The following GABRG3 variants were observed in gnomAD, a reference collection of about 807,000 sequenced individuals.
GABRG3 encodes gamma-aminobutyric acid receptor subunit gamma-3.
GABRG3 carries 25 observed loss-of-function variants against 48.8 expected under a neutral mutation model. The ratio of observed to expected loss-of-function variants is 0.51; its 90% CI spans 0.37 to 0.72. GABRG3 has a LOEUF of 0.72. Among genes scored for constraint, GABRG3 ranks in the 30% least tolerant of loss-of-function variants. The pLI is 0.00. For missense variants in GABRG3, 394 were observed against 577.9 expected, an observed-to-expected ratio of 0.68 and a Z score of 3.26; for synonymous variants, 227 against 217.6, an observed-to-expected ratio of 1.04 and a Z score of -0.38.
chr15:27,355,708 TG>T (rs374502973), intron 5 of GABRG3, among the ~76,000 whole-genome samples: 1 of 152,266 alleles, frequency 6.6e-6, no homozygotes, highest in South Asian at 2.1e-4. Context: ...ATACAAAAAG[TG>T]GGGGGAAACC....
chr15:27,035,083 A>G (rs1318189255), intron 3 of GABRG3, among the ~76,000 whole-genome samples: 2 of 152,206 alleles, frequency 1.3e-5, no homozygotes, highest in Non-Finnish European at 2.9e-5. Flanking sequence ...CATCTGGAAG[A>G]TGAAAGGACC....
intron 3 of GABRG3, among the ~76,000 whole-genome samples, chr15:27,073,362 A>C (rs1176703601): frequency 2.0e-5 from 3 of 152,192 alleles, no homozygotes; most frequent in Non-Finnish European, 4.4e-5. Flanking sequence ...TGTCAGCAGC[A>C]TGCCTCAGGG....
chr15:27,420,939 T>C (rs1888094787), intron 5 of GABRG3, among the ~76,000 whole-genome samples: 1 of 152,216 alleles, frequency 6.6e-6, no homozygotes, highest in African/African-American at 2.4e-5. Context: ...CTTACACTCT[T>C]CACTCATTCA....
intron 5 of GABRG3, among the ~76,000 whole-genome samples, chr15:27,424,842 C>A (rs1888242602): frequency 6.6e-6 from 1 of 152,144 alleles, no homozygotes; most frequent in South Asian, 2.1e-4. Context: ...GCGTGAACCA[C>A]CGAACCTGGC....
intron 3 of GABRG3, among the ~76,000 whole-genome samples, chr15:27,156,928 C>T (rs1032813939): frequency 2.0e-5 from 3 of 152,184 alleles, no homozygotes; most frequent in Non-Finnish European, 4.4e-5. Context: ...CCTGACAAGT[C>T]ATTTCTTCCC....
chr15:27,044,862 A>C (rs1249160269), intron 3 of GABRG3, among the ~76,000 whole-genome samples: 1 of 152,226 alleles, frequency 6.6e-6, no homozygotes, highest in Non-Finnish European at 1.5e-5. Context: ...TGATTGGCTG[A>C]GACTCAATTA....
chr15:27,301,216 A>G (rs1274037026), intron 3 of GABRG3, among the ~76,000 whole-genome samples: 1 of 152,158 alleles, frequency 6.6e-6, no homozygotes, highest in Non-Finnish European at 1.5e-5. Flanking sequence ...AAATTGAGGT[A>G]ATTATAGTTG....
At chr15:27,047,512 G>A (rs1302477954) in intron 3 of GABRG3, among the ~76,000 whole-genome samples, 1 of 152,222 alleles carries the variant, frequency 6.6e-6, no homozygotes, top group Non-Finnish European at 1.5e-5. Context: ...TCTGTTGCAT[G>A]TGAAAAACTT....
intron 3 of GABRG3, among the ~76,000 whole-genome samples, chr15:27,043,162 C>A (rs1404088451): frequency 6.6e-6 from 1 of 152,204 alleles, no homozygotes; most frequent in African/African-American, 2.4e-5. Context: ...CCTTCCTTCA[C>A]AAAGCCCAGG....
At chr15:27,122,148 G>A (rs2140377004) in intron 3 of GABRG3, among the ~76,000 whole-genome samples, 1 of 152,264 alleles carries the variant, frequency 6.6e-6, no homozygotes, top group African/African-American at 2.4e-5. Flanking sequence ...TTGAGGGGAT[G>A]GATACCCCGT....
chr15:27,271,242 C>T (rs550557229), intron 3 of GABRG3, among the ~76,000 whole-genome samples: 5 of 152,180 alleles, frequency 3.3e-5, no homozygotes, highest in African/African-American at 4.8e-5. Context: ...TTGCCCTGCA[C>T]GCTGAAAGGG....
chr15:27,465,087 G>A (rs1025570199), intron 5 of GABRG3, among the ~76,000 whole-genome samples: 2 of 152,176 alleles, frequency 1.3e-5, no homozygotes, highest in African/African-American at 4.8e-5. Context: ...CAGAGCCCGT[G>A]AATGTTTCCC....
At chr15:27,190,923 C>T (rs982708206) in intron 3 of GABRG3, among the ~76,000 whole-genome samples, 12 of 151,430 alleles carry the variant, frequency 7.9e-5, no homozygotes, top group South Asian at 2.1e-4. Context: ...TCTGATATGT[C>T]GTGCTTGTTC....
chr15:27,163,547 G>C (rs927169907), intron 3 of GABRG3, among the ~76,000 whole-genome samples: 2 of 152,032 alleles, frequency 1.3e-5, no homozygotes, highest in Non-Finnish European at 2.9e-5. Flanking sequence ...ATAGGTAATA[G>C]GCCGAGACCA....
intron 3 of GABRG3, among the ~76,000 whole-genome samples, chr15:27,237,442 G>A (rs1030446156): frequency 6.6e-6 from 1 of 152,214 alleles, no homozygotes; most frequent in Non-Finnish European, 1.5e-5. Context: ...AGGATGCTGA[G>A]CTGTGAAGAG....
At chr15:27,017,781 GGCA>G (rs1398921416) in intron 2 of GABRG3, among the ~76,000 whole-genome samples, 1 of 152,162 alleles carries the variant, frequency 6.6e-6, no homozygotes, top group Non-Finnish European at 1.5e-5. Context: ...TTCTCACAGA[GGCA>G]GTTGGTCTGT....
chr15:27,513,840 A>G (rs769415656), intron 6 of GABRG3, among the ~76,000 whole-genome samples: 17 of 152,236 alleles, frequency 1.1e-4, no homozygotes, highest in Non-Finnish European at 4.4e-5. Flanking sequence ...ATGTAATGTA[A>G]TTTAATTTAA....
At chr15:27,360,813 C>G (rs1894997314) in intron 5 of GABRG3, among the ~76,000 whole-genome samples, 3 of 152,210 alleles carry the variant, frequency 2.0e-5, no homozygotes. Context: ...AGGCAGGTTC[C>G]CAGCCCAAGA....
At chr15:27,503,171 A>C (rs560080992) in intron 6 of GABRG3, among the ~76,000 whole-genome samples, 5 of 152,358 alleles carry the variant, frequency 3.3e-5, no homozygotes, top group African/African-American at 1.2e-4. Flanking sequence ...GCCAGCCATC[A>C]GTCAATTATT....
Sources: gnomAD v4.1 joint callset for allele counts (sites outside exome capture counted in the v4.1 genomes callset) on GRCh38, gnomAD v4.1.1 for gene constraint, MANE v1.5 for transcripts, NCBI Gene and HGNC (gene_info 2026-07-23, HGNC 2026-07-21) for gene names.